Variants in SPAG5 observed in about 807,000 individuals in gnomAD.
The protein encoded by SPAG5 is sperm-associated antigen 5.
In SPAG5, 99 loss-of-function variants were observed where a neutral mutation model predicts 145.4. The observed-to-expected ratio is 0.68, with a 90% CI of 0.58 to 0.80. The LOEUF is 0.80. SPAG5 is among the 30% of genes least tolerant of loss of function. The pLI, the probability that SPAG5 is intolerant of heterozygous loss-of-function variation, is 0.00. For synonymous variants in SPAG5, 477 were observed against 525.4 expected, an observed-to-expected ratio of 0.91 and a Z score of 1.26; for missense variants, 1,192 against 1,416.0, an observed-to-expected ratio of 0.84 and a Z score of 2.54.
At chr17:28,588,585 A>G (rs921285180) in intron 4 of SPAG5, among the ~76,000 whole-genome samples, 2 of 152,174 alleles carry the variant, frequency 1.3e-5, no homozygotes, top group Non-Finnish European at 2.9e-5. Context: ...GCAGCCACCT[A>G]TTATCTCAAC....
At position 28,583,083 on chromosome 17, in the gene SPAG5, T is replaced by G. The variant is rs1213539351; in HGVS notation, c.2685+428A>C. 4.6e-5 allele frequency among the ~76,000 whole-genome samples: 7 copies of G among 152,186 alleles called. No individual in the cohort carries two copies. In the South Asian group the frequency reaches 1.2e-3, roughly 27 times the overall value. ...GCCTCAACTTCCCAGGCTCAGGTGA[T>G]CCTCTCACCTCAGCCTCCCAGATAG... On this transcript the variant is annotated intron_variant, in intron 15 of 23. Transcript: ENST00000321765.
At chr17:28,581,331 C>T (rs1053134397) in intron 15 of SPAG5, among the ~76,000 whole-genome samples, 8 of 152,260 alleles carry the variant, frequency 5.3e-5, no homozygotes, top group Admixed American at 2.0e-4. Flanking sequence ...TAACTGGCTG[C>T]GCACAGGTAA....
At chr17:28,579,035 G>T in intron 19 of SPAG5, 106 bp downstream of exon 19, 1 of 974,560 alleles carries the variant, frequency 1.0e-6, no homozygotes, top group South Asian at 1.6e-5. Flanking sequence ...TAGGGCAGTG[G>T]TTGGAAAATC....
At chr17:28,596,815 A>T (rs1429663926) in intron 2 of SPAG5, among the ~76,000 whole-genome samples, 1 of 152,190 alleles carries the variant, frequency 6.6e-6, no homozygotes, top group Non-Finnish European at 1.5e-5. Flanking sequence ...AATTAAAATT[A>T]AAAATTCAGG....
Position 28,593,049 on chromosome 17 carries a change from T to C in SPAG5, c.195A>G (p.Ser65=). 6.2e-7 allele frequency: 1 copy of C among 1,613,310 alleles called. No individual in the cohort carries two copies. Among genetic ancestry groups the C allele is most frequent in the Non-Finnish European group, 8.5e-7 (1 of 1,179,288 alleles). ...TGTTATTTACAAAATCCACTGGAGA[T>C]GAGTTGTTGCTGCCTTCCTGCCAAA... is the stretch of plus-strand genomic sequence containing the variant. ...KLGLQEGSNN[S]SPVDFVNNKR... The change falls in exon 3 of 24, where the codon TCA becomes TCG. Residue 65 remains serine, a synonymous_variant. Transcript: ENST00000321765.
At chr17:28,580,251 A>G in intron 15 of SPAG5, 131 bp from the exon 16 acceptor site, 1 of 544,314 alleles carries the variant, frequency 1.8e-6, no homozygotes, top group Non-Finnish European at 3.3e-6. Flanking sequence ...CAACTTCTCC[A>G]TTAGTGCCTT....
intron 10 of SPAG5, 62 bp from the exon 11 acceptor site, chr17:28,584,807 G>C: frequency 7.8e-7 from 1 of 1,279,874 alleles, no homozygotes; most frequent in Admixed American, 1.7e-5. Context: ...CCAGGACTTG[G>C]TCCAGCTTCT....
intron 3 of SPAG5, 52 bp from the exon 4 acceptor site, chr17:28,591,924 G>A (rs958970994): frequency 6.2e-7 from 1 of 1,609,724 alleles, no homozygotes; most frequent in Non-Finnish European, 8.5e-7. Context: ...GGAAGGGATG[G>A]GAGGGGAAGG....
rs767385374 is a variant in SPAG5 at position 28,585,624 on chromosome 17, T to C, written c.1770A>G (p.Ala590=). The part of the protein sequence containing the change: ...AAEIVLEAFC[A]HASQRISQLE... ...GCTGGCTGATGCGCTGGCTGGCGTG[T>C]GCACAGAAAGCCTCCAACACTATCT... is the stretch of plus-strand genomic sequence containing the variant. Residue 590 remains alanine (A), a synonymous_variant, in exon 8 of 24, where the codon GCA becomes GCG. Coordinates refer to ENST00000321765, the MANE Select transcript of SPAG5 (RefSeq NM_006461.4). 5 of 1,614,040 alleles carry C rather than the reference T, an allele frequency of 3.1e-6. No homozygotes were observed. The highest frequency in any genetic ancestry group is 4.2e-6 in the Non-Finnish European group (5 of 1,180,032).
At chr17:28,584,573 T>G in intron 11 of SPAG5, 79 bp downstream of exon 11, 2 of 1,604,356 alleles carry the variant, frequency 1.2e-6, no homozygotes, top group Non-Finnish European at 1.7e-6. Flanking sequence ...GAGTACTTCC[T>G]TGCTCTAGTG....
intron 4 of SPAG5, among the ~76,000 whole-genome samples, chr17:28,589,452 A>G (rs564134449): frequency 2.6e-5 from 4 of 152,310 alleles, no homozygotes; most frequent in African/African-American, 7.2e-5. Flanking sequence ...TAAATACTAC[A>G]TACACCAAAA....
rs749735567 is a variant in SPAG5, at chr17:28,598,584, C to G, written c.103G>C (p.Ala35Pro). 5 of 1,613,278 alleles carry G rather than the reference C, an allele frequency of 3.1e-6. No homozygotes were observed. The South Asian group carries it at 5.5e-5, about 18-fold the overall frequency. Residue 35 changes from alanine (A) to proline (P), a missense_variant, in exon 2 of 24, where the codon GCC becomes CCC. This residue lies in a region of SPAG5 where 329 missense variants were observed against 354.0 expected (regional missense o/e 0.93). Coordinates refer to ENST00000321765, the MANE Select transcript of SPAG5 (RefSeq NM_006461.4). The stretch of plus-strand genomic sequence containing the variant: ...GATCTTTTTCCAGAGTTGGTGAGGG[C>G]ACCGGGCTGCAGGGTAAGTTCACGG... ...PLRELTLQPG[A>P]LTNSGKRSPA...
At chr17:28,598,108 A>G (rs2070680888) in intron 2 of SPAG5, among the ~76,000 whole-genome samples, 1 of 152,190 alleles carries the variant, frequency 6.6e-6, no homozygotes, top group Non-Finnish European at 1.5e-5. Context: ...CAAGTACCCT[A>G]CCTTCCAGTG....
At position 28,591,670 on chromosome 17, in the gene SPAG5, C is replaced by A. The variant is rs937480525; in HGVS notation, c.1437+28G>T. 7 of 1,574,664 alleles carry A rather than the reference C, an allele frequency of 4.4e-6. No homozygotes were observed. The African/African-American group carries it at 8.2e-5, about 18-fold the overall frequency. On this transcript the variant is annotated intron_variant, in intron 4 of 23. Coordinates refer to ENST00000321765, the MANE Select transcript of SPAG5 (RefSeq NM_006461.4). ...AATTCCAAGGATCCCCACTGGGATC[C>A]CTCAAGCTTTGAGAGGAACCTTCTT...
intron 2 of SPAG5, among the ~76,000 whole-genome samples, chr17:28,596,433 T>C (rs2070665550): frequency 6.6e-6 from 1 of 151,850 alleles, no homozygotes; most frequent in African/African-American, 2.4e-5. Flanking sequence ...TTTGGGAGGC[T>C]GAGGTGGGCG....
chr17:28,583,593 C>G lies in SPAG5; in HGVS notation c.2603G>C (p.Arg868Pro). The G allele has an allele frequency of 6.2e-7, 1 of 1,613,792 alleles. No individual in the cohort carries two copies. The highest frequency in any genetic ancestry group is 8.5e-7 in the Non-Finnish European group (1 of 1,179,910). ...DNQEQDLEKT[R>P]QYSQKLGLLT... ...CAGCCCTAGCTTTTGAGAGTACTGC[C>G]GTGTTTTCTCCAGATCTTGCTCCTG... The change falls in exon 15 of 24, where the codon CGG becomes CCG. Residue 868 changes from arginine to proline, a missense_variant. Physicochemically the swap from Arg to Pro is moderately radical, Grantham distance 103 (BLOSUM62 -2). Around this residue, in one of 5 missense-constraint regions of SPAG5, gnomAD observed 709 missense variants for 840.7 expected, o/e 0.84. Coordinates refer to ENST00000321765, the MANE Select transcript of SPAG5 (RefSeq NM_006461.4).
intron 4 of SPAG5, among the ~76,000 whole-genome samples, chr17:28,590,759 C>T (rs1045857742): frequency 1.3e-5 from 2 of 150,748 alleles, no homozygotes; most frequent in Non-Finnish European, 2.9e-5. Flanking sequence ...GTCCCAGCTA[C>T]TCAGGAGGCT....
intron 15 of SPAG5, among the ~76,000 whole-genome samples, chr17:28,581,989 TACTCTCACATCAAATTGGTC>T (rs1256960199): frequency 6.6e-6 from 1 of 152,224 alleles, no homozygotes; most frequent in Non-Finnish European, 1.5e-5. Context: ...TCTTCTAACT[TACTCTCACATCAAATTGGTC>T]ACTCTTACAT....
intron 2 of SPAG5, among the ~76,000 whole-genome samples, chr17:28,596,736 T>G (rs2070667814): frequency 6.6e-6 from 1 of 152,222 alleles, no homozygotes; most frequent in African/African-American, 2.4e-5. Flanking sequence ...TTCCACCTAG[T>G]ACTTATTTAT....
Sources: allele counts gnomAD v4.1 joint callset (sites outside exome capture counted in the v4.1 genomes callset), GRCh38; gene constraint gnomAD v4.1.1; regional missense constraint gnomAD v4.1.1; transcripts MANE v1.5; gene names NCBI Gene and HGNC (gene_info 2026-07-23, HGNC 2026-07-21).